LAMB2: variants seen among roughly 807,000 people sequenced by gnomAD.
LAMB2 encodes laminin subunit beta 2.
LAMB2 carries 119 observed loss-of-function variants against 202.7 expected under a neutral mutation model. The ratio of observed to expected loss-of-function variants is 0.59; its 90% confidence interval spans 0.51 to 0.68. The LOEUF (loss-of-function observed/expected upper bound fraction) is 0.68. LAMB2 is among the 30% of genes least tolerant of loss of function. The probability of loss-of-function intolerance (pLI) is 0.00; values close to 1 mark genes in which losing one functional copy is unlikely to be tolerated. For missense variants in LAMB2, 2,124 were observed against 2,410.6 expected, an observed-to-expected ratio of 0.88 and a Z score of 2.49; for synonymous variants, 818 against 902.2, an observed-to-expected ratio of 0.91 and a Z score of 1.67.
rs191772856 is a variant in LAMB2 at position 49,130,210 on chromosome 3, C to T, written c.1225+21G>A. 2.4e-4 allele frequency: 381 copies of T among 1,613,278 alleles called. 2 individuals carry two copies. Among genetic ancestry groups the T allele is most frequent in the Admixed American group, 2.0e-3 (118 of 59,880 alleles). ...TGCCCCAGGCTCAGCTTTCTCTCCC[C>T]GTGCCCAATCCCAGCCTCACAGCGG... On this transcript the variant is annotated intron_variant, in intron 9 of 31. Coordinates refer to ENST00000305544, the MANE Select transcript of LAMB2 (RefSeq NM_002292.4). This position sits in a 1 kb window ranked among gnomAD's most constrained non-coding sequence, Gnocchi z 5.0.
Position 49,132,707 on chromosome 3 carries a change from T to A in LAMB2, c.77-44A>T. The A allele has an allele frequency of 6.2e-7, 1 of 1,613,888 alleles. No individual in the cohort carries two copies. Among genetic ancestry groups the A allele is most frequent in the Non-Finnish European group, 8.5e-7 (1 of 1,179,772 alleles). On this transcript the variant is annotated intron_variant, in intron 1 of 31. Transcript: ENST00000305544. The surrounding 1 kb of genome is among the most constrained non-coding windows in gnomAD (Gnocchi z 4.6). ...TCAGTTCCGCTGAGTTCCTATCCAG[T>A]GGCTCCACCTCATGTGCCCCAAGGG...
chr3:49,121,596 CA>C lies in LAMB2; in HGVS notation c.5101-5del. 1 of 1,614,006 alleles carries C rather than the reference CA, an allele frequency of 6.2e-7. No individual in the cohort carries two copies. The highest frequency in any genetic ancestry group is 8.5e-7 in the Non-Finnish European group (1 of 1,180,038). ...CACCCAGAGGACCGCGTAGCAGCTG[CA>C]GATGTAGAGGGTTAGGTTAGCGTGG... On this transcript the variant is annotated splice_polypyrimidine_tract_variant and splice_region_variant and intron_variant, in intron 30 of 31. Coordinates refer to ENST00000305544, the MANE Select transcript of LAMB2 (RefSeq NM_002292.4).
At position 49,121,183 on chromosome 3, in the gene LAMB2, A is replaced by C; in HGVS notation, c.*43T>G. 6.2e-7 allele frequency: 1 copy of C among 1,610,792 alleles called. No individual in the cohort carries two copies. The highest frequency in any genetic ancestry group is 8.5e-7 in the Non-Finnish European group (1 of 1,179,220). On this transcript the variant is annotated 3_prime_UTR_variant, in exon 32 of 32. Coordinates refer to ENST00000305544, the MANE Select transcript of LAMB2 (RefSeq NM_002292.4). ...CTCTTCAGTGCATAGGCAGACATGC[A>C]TGTGGGGCAGTGCTAGGAACTGGGG...
chr3:49,125,717 C>T (rs546913926), intron 18 of LAMB2, 30 bp downstream of exon 18: 3 of 1,610,182 alleles, frequency 1.9e-6, no homozygotes, highest in South Asian at 2.2e-5. Flanking sequence ...GAGAGAGAAG[C>T]ATAGGAGGGA....
At position 49,121,779 on chromosome 3, in the gene LAMB2, C is replaced by G; in HGVS notation, c.5005G>C (p.Ala1669Pro). Residue 1669 changes from alanine to proline, a missense_variant, in exon 30 of 32, where the codon GCT becomes CCT. By Grantham distance (27) the Ala-to-Pro change is conservative. Transcript: ENST00000305544. ...RARQLDALLE[A>P]LKLKRAGNSL... ...TTTCCTGCCCGTTTCAATTTCAGAG[C>G]CTCCAGGAGAGCATCCAACTGCCGA... 6.2e-7 allele frequency: 1 copy of G among 1,613,558 alleles called. No individual in the cohort carries two copies. Among genetic ancestry groups the G allele is most frequent in the Non-Finnish European group, 8.5e-7 (1 of 1,180,026 alleles).
rs369408727 is a variant in LAMB2, at chr3:49,128,801, G to T, written c.1750C>A (p.Arg584Ser). ...GGAGTTTCCCCGGGGGTCACCAGGCGCTCCACCACATCGAGCACCTGGGAG... is the reference window on the plus strand; with the variant it reads ...GGAGTTTCCCCGGGGGTCACCAGGCTCTCCACCACATCGAGCACCTGGGAG... ...TRGQVLDVVERLVTPGETPSW... is the reference protein window; with the variant it reads ...TRGQVLDVVESLVTPGETPSW... The change falls in exon 14 of 32, where the codon CGC becomes AGC. Residue 584 changes from arginine (R) to serine (S), a missense_variant. Physicochemically the swap from Arg to Ser is moderately radical, Grantham distance 110 (BLOSUM62 -1). Around this residue, in one of 3 missense-constraint regions of LAMB2, gnomAD observed 1,702 missense variants for 1,896.3 expected, o/e 0.90. Coordinates refer to ENST00000305544, the MANE Select transcript of LAMB2 (RefSeq NM_002292.4). 7.6e-5 allele frequency: 123 copies of T among 1,613,216 alleles called. No individual in the cohort carries two copies. The highest frequency in any genetic ancestry group is 9.7e-5 in the Non-Finnish European group (115 of 1,179,518).
intron 25 of LAMB2, 26 bp from the exon 26 acceptor site, chr3:49,123,399 A>G (rs1485278061): frequency 6.2e-7 from 1 of 1,613,912 alleles, no homozygotes; most frequent in Non-Finnish European, 8.5e-7. Context: ...GCAGACAGTC[A>G]GCTGAAGACT....
At position 49,132,377 on chromosome 3, in the gene LAMB2, G is replaced by A. The variant is rs760873068; in HGVS notation, c.278C>T (p.Ser93Phe). 1 of 1,614,242 alleles carries A rather than the reference G, an allele frequency of 6.2e-7. No homozygotes were observed. The highest frequency in any genetic ancestry group is 1.3e-5 in the African/African-American group (1 of 75,052). Reference sequence around the variant, plus strand: ...GTCTCTAGCAGAGAAGGGGCGCCGGGAGTCACAAAGGAAGCACTTCTTTTC... The same window carrying A: ...GTCTCTAGCAGAGAAGGGGCGCCGGAAGTCACAAAGGAAGCACTTCTTTTC... Reference protein sequence around the residue: ...QDEKKCFLCDSRRPFSARDNP... With the variant: ...QDEKKCFLCDFRRPFSARDNP... The change falls in exon 3 of 32, where the codon TCC (serine) becomes TTC (phenylalanine). Residue 93 changes from serine to phenylalanine, a missense_variant. Physicochemically the swap from Ser to Phe is radical, Grantham distance 155 (BLOSUM62 -2). Transcript: ENST00000305544. This position sits in a 1 kb window ranked among gnomAD's most constrained non-coding sequence, Gnocchi z 4.6.
At position 49,128,679 on chromosome 3, in the gene LAMB2, C is replaced by T; in HGVS notation, c.1872G>A (p.Leu624=). The T allele has an allele frequency of 6.2e-7, 1 of 1,614,216 alleles. No individual in the cohort carries two copies. Among genetic ancestry groups the T allele is most frequent in the Non-Finnish European group, 8.5e-7 (1 of 1,180,046 alleles). The change falls in exon 14 of 32, where the codon CTG becomes CTA. Residue 624 remains leucine (L), a synonymous_variant. Transcript: ENST00000305544. ...GTCTAACCTGGGGCTCTAAGCGCAGCAGCAGGTCATAGTCCATAGCCTTCG... is the reference window on the plus strand; with the variant it reads ...GTCTAACCTGGGGCTCTAAGCGCAGTAGCAGGTCATAGTCCATAGCCTTCG... The part of the protein sequence containing the change: ...SVPKAMDYDL[L]LRLEPQVPEQ...
chr3:49,121,244 G>A lies in LAMB2; in HGVS notation c.5379C>T (p.Ile1793=), dbSNP rs11550620. Residue 1793 remains isoleucine (I), a synonymous_variant, in exon 32 of 32, where the codon ATC becomes ATT. Transcript: ENST00000305544. ...GCAGGGGTCACTGGCAGGTGTTGTA[G>A]ATCTGCACCTGCAAGTTGATGGCTT... The part of the protein sequence containing the change: ...VLQAINLQVQ[I]YNTCQ 6.2e-7 allele frequency: 1 copy of A among 1,612,278 alleles called. No homozygotes were observed. Among genetic ancestry groups the A allele is most frequent in the Non-Finnish European group, 8.5e-7 (1 of 1,180,026 alleles).
intron 23 of LAMB2, 30 bp downstream of exon 23, chr3:49,124,160 C>T (rs1462014523): frequency 6.2e-7 from 1 of 1,614,146 alleles, no homozygotes; most frequent in Non-Finnish European, 8.5e-7. Context: ...GGAAGTCCTC[C>T]ATCTACCCTG....
In LAMB2 at chr3:49,121,253, C is replaced by G; in HGVS notation, c.5370G>C (p.Gln1790His). 6.2e-7 allele frequency: 1 copy of G among 1,612,268 alleles called. No homozygotes were observed. Among genetic ancestry groups the G allele is most frequent in the Non-Finnish European group, 8.5e-7 (1 of 1,180,004 alleles). ...MRSVLQAINLQVQIYNTCQ is the reference protein window; with the variant it reads ...MRSVLQAINLHVQIYNTCQ The stretch of plus-strand genomic sequence containing the variant: ...ACTGGCAGGTGTTGTAGATCTGCAC[C>G]TGCAAGTTGATGGCTTGAAGCACGC... Residue 1790 changes from glutamine to histidine, a missense_variant, in exon 32 of 32, where the codon CAG becomes CAC. Gln to His is a conservative substitution (Grantham distance 24). Coordinates refer to ENST00000305544, the MANE Select transcript of LAMB2 (RefSeq NM_002292.4).
chr3:49,131,488 C>T lies in LAMB2; in HGVS notation c.649-46G>A, dbSNP rs1391343987. On this transcript the variant is annotated intron_variant, in intron 5 of 31. Transcript: ENST00000305544. The surrounding 1 kb of genome is among the most constrained non-coding windows in gnomAD (Gnocchi z 5.0). ...TAGTCACACTGGACCTTGCCTCAGG[C>T]CCATCATCCCCAGCTTCCAGCCCCC... The T allele has an allele frequency of 1.2e-6, 2 of 1,613,558 alleles. No individual in the cohort carries two copies. The highest frequency in any genetic ancestry group is 1.1e-5 in the South Asian group (1 of 91,076).
At chr3:49,128,895 A>G in intron 13 of LAMB2, 76 bp from the exon 14 acceptor site, 2 of 1,599,152 alleles carry the variant, frequency 1.3e-6, no homozygotes, top group East Asian at 2.2e-5. Flanking sequence ...CCCAAACCCC[A>G]TTTCTCCTGC....
At position 49,125,810 on chromosome 3, in the gene LAMB2, C is replaced by A. The variant is rs1327555333; in HGVS notation, c.2425G>T (p.Val809Phe). The A allele has an allele frequency of 6.2e-7, 1 of 1,614,130 alleles. No individual in the cohort carries two copies. Among genetic ancestry groups the A allele is most frequent in the Non-Finnish European group, 8.5e-7 (1 of 1,180,006 alleles). Residue 809 changes from valine (V) to phenylalanine (F), a missense_variant, in exon 18 of 32, where the codon GTT becomes TTT. Around this residue, in one of 3 missense-constraint regions of LAMB2, gnomAD observed 1,702 missense variants for 1,896.3 expected, o/e 0.90. Coordinates refer to ENST00000305544, the MANE Select transcript of LAMB2 (RefSeq NM_002292.4). Reference protein sequence around the residue: ...GGQCLCKPGVVGRRCDLCAPG... With the variant: ...GGQCLCKPGVFGRRCDLCAPG... ...GCACAGAGGTCACAGCGGCGCCCAA[C>A]CACTCCAGGCTTGCACAGGCACTGA...
rs147691227 is a variant in LAMB2, at chr3:49,132,371, C to G, written c.284G>C (p.Arg95Pro). 3.5e-5 allele frequency: 57 copies of G among 1,614,088 alleles called. No individual in the cohort carries two copies. The highest frequency in any genetic ancestry group is 4.7e-5 in the Non-Finnish European group (56 of 1,180,042). ...TGGGTTGTCTCTAGCAGAGAAGGGGCGCCGGGAGTCACAAAGGAAGCACTT... is the reference window on the plus strand; with the variant it reads ...TGGGTTGTCTCTAGCAGAGAAGGGGGGCCGGGAGTCACAAAGGAAGCACTT... ...EKKCFLCDSR[R>P]PFSARDNPHS... The change falls in exon 3 of 32, where the codon CGC (arginine) becomes CCC (proline). Residue 95 changes from arginine (R) to proline (P), a missense_variant. Physicochemically the swap from Arg to Pro is moderately radical, Grantham distance 103 (BLOSUM62 -2). This residue lies in a region of LAMB2 where 166 missense variants were observed against 158.2 expected (regional missense o/e 1.05). Coordinates refer to ENST00000305544, the MANE Select transcript of LAMB2 (RefSeq NM_002292.4). The surrounding 1 kb of genome is among the most constrained non-coding windows in gnomAD (Gnocchi z 4.6).
chr3:49,123,432 T>A lies in LAMB2; in HGVS notation c.3982+15A>T. 6.2e-7 allele frequency: 1 copy of A among 1,614,090 alleles called. No individual in the cohort carries two copies. Among genetic ancestry groups the A allele is most frequent in the South Asian group, 1.1e-5 (1 of 91,088 alleles). The stretch of plus-strand genomic sequence containing the variant: ...ACTGACCCTGGTCCACCTGCCTAGT[T>A]GGCTAACAACTCACCCAGGAAGTTT... On this transcript the variant is annotated intron_variant, in intron 25 of 31. Transcript: ENST00000305544.
Position 49,124,481 on chromosome 3 carries a change from G to A in LAMB2, c.3241C>T (p.Pro1081Ser), listed in dbSNP as rs1247420057. ...VQGPSCDRCAPNFWNLTSGHG... is the reference protein window; with the variant it reads ...VQGPSCDRCASNFWNLTSGHG... The stretch of plus-strand genomic sequence containing the variant: ...CCACTGGTGAGGTTCCAGAAGTTGG[G>A]GGCACAGCGGTCACAGCTAGGGCCC... Residue 1081 changes from proline (P) to serine (S), a missense_variant, in exon 22 of 32, where the codon CCC becomes TCC. Around this residue, in one of 3 missense-constraint regions of LAMB2, gnomAD observed 1,702 missense variants for 1,896.3 expected, o/e 0.90. Coordinates refer to ENST00000305544, the MANE Select transcript of LAMB2 (RefSeq NM_002292.4). The A allele has an allele frequency of 9.9e-6, 16 of 1,613,796 alleles. No individual in the cohort carries two copies. The East Asian group carries it at 3.6e-4, about 36-fold the overall frequency.
Position 49,128,641 on chromosome 3 carries a change from A to G in LAMB2, c.1890+20T>C. ...CCCACACCCAGAGGTTCAGCCCCAGATTAGATAACAGGGTCTAACCTGGGG... is the reference window on the plus strand; with the variant it reads ...CCCACACCCAGAGGTTCAGCCCCAGGTTAGATAACAGGGTCTAACCTGGGG... On this transcript the variant is annotated intron_variant, in intron 14 of 31. Transcript: ENST00000305544. 6.2e-7 allele frequency: 1 copy of G among 1,614,190 alleles called. No individual in the cohort carries two copies. Among genetic ancestry groups the G allele is most frequent in the Non-Finnish European group, 8.5e-7 (1 of 1,180,028 alleles).
Sources: gnomAD v4.1 joint callset for allele counts on GRCh38, gnomAD v4.1.1 for gene constraint, gnomAD v4.1.1 regional missense constraint, Gnocchi (gnomAD v3.1) non-coding constraint, MANE v1.5 for transcripts, NCBI Gene and HGNC (gene_info 2026-07-23, HGNC 2026-07-21) for gene names.